SCAI: variants seen among roughly 807,000 people sequenced by gnomAD.
SCAI encodes protein SCAI.
A neutral mutation model predicts 92.2 loss-of-function variants in SCAI; 24 were observed. The ratio of observed to expected loss-of-function variants is 0.26; its 90% CI spans 0.19 to 0.37. The LOEUF (loss-of-function observed/expected upper bound fraction) is 0.37, where lower values mean the gene tolerates loss of function less well. SCAI is among the 10% of genes least tolerant of loss of function. SCAI has a pLI of 1.00. For synonymous variants in SCAI, 261 were observed against 258.6 expected (o/e 1.01, Z -0.09); for missense variants, 450 against 736.2 (o/e 0.61, Z 4.50).
intron 2 of SCAI, among the ~76,000 whole-genome samples, chr9:125,099,747 G>A (rs947895861): frequency 6.6e-6 from 1 of 152,124 alleles, no homozygotes; most frequent in Non-Finnish European, 1.5e-5. Flanking sequence ...CTGTCTCTAT[G>A]AATTTGACTA....
chr9:125,125,037 A>G (rs1177508952), intron 2 of SCAI, among the ~76,000 whole-genome samples: 1 of 152,068 alleles, frequency 6.6e-6, no homozygotes, highest in Non-Finnish European at 1.5e-5. Flanking sequence ...CCTGGTCAAC[A>G]TGGCAAAACA....
At chr9:124,997,108 A>ATGCCAT (rs1444482603) in intron 13 of SCAI, among the ~76,000 whole-genome samples, 1 of 152,186 alleles carries the variant, frequency 6.6e-6, no homozygotes, top group Non-Finnish European at 1.5e-5. Context: ...ATAAGTGATC[A>ATGCCAT]TGCCATACAG....
At chr9:125,115,695 C>T (rs1280604284) in intron 2 of SCAI, among the ~76,000 whole-genome samples, 9 of 151,834 alleles carry the variant, frequency 5.9e-5, no homozygotes, top group African/African-American at 1.9e-4. Flanking sequence ...TATCCAGTCA[C>T]TTAAATAATA....
intron 2 of SCAI, among the ~76,000 whole-genome samples, chr9:125,100,058 T>C (rs1387980443): frequency 2.0e-5 from 3 of 152,254 alleles, no homozygotes; most frequent in Non-Finnish European, 4.4e-5. Flanking sequence ...CGCCCAGAAG[T>C]TGAGTGGCTG....
At chr9:124,987,132 T>A (rs1267115870) in intron 14 of SCAI, among the ~76,000 whole-genome samples, 3 of 152,156 alleles carry the variant, frequency 2.0e-5, no homozygotes, top group African/African-American at 7.2e-5. Flanking sequence ...CAAGAGATTC[T>A]CCTGCCTCGG....
intron 9 of SCAI, among the ~76,000 whole-genome samples, chr9:125,007,762 A>AT (rs1832542423): frequency 6.6e-6 from 1 of 151,642 alleles, no homozygotes; most frequent in Admixed American, 6.6e-5. Flanking sequence ...GGCTCAAGTG[A>AT]TTCTTCCACC....
At chr9:125,137,273 T>G (rs1835559607) in intron 2 of SCAI, among the ~76,000 whole-genome samples, 1 of 152,174 alleles carries the variant, frequency 6.6e-6, no homozygotes, top group African/African-American at 2.4e-5. Context: ...CTAACCTAAA[T>G]CAGGCATGCT....
At chr9:125,129,093 G>A (rs1835342660) in intron 2 of SCAI, among the ~76,000 whole-genome samples, 1 of 151,250 alleles carries the variant, frequency 6.6e-6, no homozygotes. Flanking sequence ...TCAAAAAATT[G>A]TTTCAGTCAG....
At chr9:125,108,772 G>A (rs1364716627) in intron 2 of SCAI, among the ~76,000 whole-genome samples, 2 of 152,084 alleles carry the variant, frequency 1.3e-5, no homozygotes, top group Non-Finnish European at 2.9e-5. Flanking sequence ...CCCCGTCCGG[G>A]AGGTGGGGGG....
chr9:124,982,410 G>A (rs1178614166), intron 14 of SCAI, among the ~76,000 whole-genome samples: 1 of 152,102 alleles, frequency 6.6e-6, no homozygotes, highest in East Asian at 1.9e-4. Context: ...GGTGGCTCAC[G>A]TCTGTAATCG....
chr9:125,070,188 T>C (rs1292505912), intron 2 of SCAI, among the ~76,000 whole-genome samples: 1 of 152,116 alleles, frequency 6.6e-6, no homozygotes, highest in South Asian at 2.1e-4. Context: ...GTGTTGAATA[T>C]GTGTGTATAT....
In SCAI at chr9:124,943,511, TGAG is replaced by T. The variant is rs1163152003; in HGVS notation, c.*9293_*9295del. The T allele has an allele frequency of 2.0e-5, 3 of 152,216 alleles. No homozygotes were observed. Among genetic ancestry groups the T allele is most frequent in the African/African-American group, 4.8e-5 (2 of 41,452 alleles). The allele number at this position is 152,216 out of a possible 1,614,324, so 9.4% of individuals were successfully genotyped here. On this transcript the variant is annotated 3_prime_UTR_variant, in exon 18 of 18. Transcript: ENST00000336505. ...TGAAAAATATTGTGCTTCAGTCTCT[TGAG>T]GAGAGCTAATATAACTCTATAATCC...
rs983109996 is a variant in SCAI at position 125,007,282 on chromosome 9, T to A, written c.862-3712A>T. Among the ~76,000 whole-genome samples the A allele has an allele frequency of 2.0e-5, 3 of 151,818 alleles. No individual in the cohort carries two copies. The East Asian group carries it at 5.8e-4, about 29-fold the overall frequency. The stretch of plus-strand genomic sequence containing the variant: ...ACTTGTAGTTAGCATAACTAGAGAG[T>A]ATAGTTAGCAGAAAAGGACTTTAAA... On this transcript the variant is annotated intron_variant, in intron 9 of 17. Coordinates refer to ENST00000336505, the MANE Select transcript of SCAI (RefSeq NM_001144877.3).
At chr9:125,049,349 C>T (rs1035063743) in intron 3 of SCAI, among the ~76,000 whole-genome samples, 1 of 152,128 alleles carries the variant, frequency 6.6e-6, no homozygotes, top group African/African-American at 2.4e-5. Flanking sequence ...ATACATGTCT[C>T]GAGATGCTGC....
At chr9:124,956,123 T>A (rs1831311936) in intron 17 of SCAI, among the ~76,000 whole-genome samples, 2 of 151,920 alleles carry the variant, frequency 1.3e-5, no homozygotes, top group Admixed American at 6.6e-5. Context: ...GATATAAAAA[T>A]CCATAATGAA....
intron 17 of SCAI, among the ~76,000 whole-genome samples, chr9:124,969,027 C>CAAACCCCTGGGCTCA (rs1831600047): frequency 6.6e-6 from 1 of 151,974 alleles, no homozygotes; most frequent in Admixed American, 6.6e-5. Context: ...ACTGCAGCCT[C>CAAACCCCTGGGCTCA]AAACCCCTGG....
chr9:124,993,392 C>T (rs1050854137), intron 14 of SCAI, among the ~76,000 whole-genome samples: 3 of 152,198 alleles, frequency 2.0e-5, no homozygotes, highest in African/African-American at 7.2e-5. Flanking sequence ...AGTTGGAGAA[C>T]AGCCTGAGCA....
At position 124,997,102 on chromosome 9, in the gene SCAI, G is replaced by A. The variant is rs547668580; in HGVS notation, c.1245-2087C>T. Reference sequence around the variant, plus strand: ...CAACTTTTTCAGATTCCACATATAAGTGATCATGCCATACAGGTTCAGTAT... The same window carrying A: ...CAACTTTTTCAGATTCCACATATAAATGATCATGCCATACAGGTTCAGTAT... On this transcript the variant is annotated intron_variant, in intron 13 of 17. Coordinates refer to ENST00000336505, the MANE Select transcript of SCAI (RefSeq NM_001144877.3). 3.9e-5 allele frequency among the ~76,000 whole-genome samples: 6 copies of A among 152,128 alleles called. No individual in the cohort carries two copies. The East Asian group carries it at 1.2e-3, about 29-fold the overall frequency.
At chr9:125,116,601 GT>G (rs1295840137) in intron 2 of SCAI, among the ~76,000 whole-genome samples, 1 of 151,886 alleles carries the variant, frequency 6.6e-6, no homozygotes, top group Non-Finnish European at 1.5e-5. Flanking sequence ...GTTTTTACCA[GT>G]TTATAAGAAC....
Sources: allele counts gnomAD v4.1 joint callset (sites outside exome capture counted in the v4.1 genomes callset), GRCh38; gene constraint gnomAD v4.1.1; transcripts MANE v1.5; gene names NCBI Gene and HGNC (gene_info 2026-07-23, HGNC 2026-07-21).